The following KCNT2 variants were observed in gnomAD, a reference collection of about 807,000 sequenced individuals.
KCNT2 encodes the protein potassium channel subfamily T member 2.
In KCNT2, 67 loss-of-function variants were observed where a neutral mutation model predicts 153.8. That is an observed-to-expected ratio of 0.44 (90% confidence interval 0.36 to 0.53). The LOEUF (loss-of-function observed/expected upper bound fraction) is 0.53, where lower values mean the gene tolerates loss of function less well. KCNT2 is among the 20% of genes least tolerant of loss of function. The pLI, the probability that KCNT2 is intolerant of heterozygous loss-of-function variation, is 0.00. For synonymous variants in KCNT2, 500 were observed against 458.8 expected (o/e 1.09, Z -1.15); for missense variants, 975 against 1,354.8 (o/e 0.72, Z 4.40).
intron 25 of KCNT2, among the ~76,000 whole-genome samples, chr1:196,272,024 T>C (rs1256942262): frequency 1.3e-5 from 2 of 151,938 alleles, no homozygotes; most frequent in Non-Finnish European, 2.9e-5. Context: ...GCCTTTCTTC[T>C]ACCTTGTGAA....
chr1:196,552,725 G>A (rs1658080145), intron 1 of KCNT2, among the ~76,000 whole-genome samples: 1 of 151,336 alleles, frequency 6.6e-6, no homozygotes, highest in African/African-American at 2.4e-5. Context: ...TGAAGACATA[G>A]TACAATAAGA....
intron 26 of KCNT2, among the ~76,000 whole-genome samples, chr1:196,238,170 C>T (rs2102244356): frequency 6.6e-6 from 1 of 151,948 alleles, no homozygotes; most frequent in South Asian, 2.1e-4. Context: ...ATATCAACAC[C>T]TAGCCTTTAT....
At chr1:196,328,740 A>T (rs371412240) in intron 18 of KCNT2, among the ~76,000 whole-genome samples, 4 of 152,142 alleles carry the variant, frequency 2.6e-5, no homozygotes, top group East Asian at 3.9e-4. Flanking sequence ...AATTAAAAGG[A>T]TTCTCCACCA....
intron 14 of KCNT2, among the ~76,000 whole-genome samples, chr1:196,355,984 T>G (rs1667143490): frequency 6.6e-6 from 1 of 151,822 alleles, no homozygotes; most frequent in Non-Finnish European, 1.5e-5. Flanking sequence ...TTGCTATATC[T>G]GTACCTTTAG....
intron 26 of KCNT2, among the ~76,000 whole-genome samples, chr1:196,247,041 A>G (rs1558062800): frequency 6.6e-6 from 1 of 152,174 alleles, no homozygotes; most frequent in Non-Finnish European, 1.5e-5. Flanking sequence ...CCTACAAGAA[A>G]CACACTTCCC....
intron 25 of KCNT2, among the ~76,000 whole-genome samples, chr1:196,279,454 G>T (rs1002170075): frequency 5.3e-5 from 8 of 151,462 alleles, no homozygotes; most frequent in Non-Finnish European, 1.2e-4. Context: ...ACAGAGTCTC[G>T]CTCTGTCACC....
intron 1 of KCNT2, among the ~76,000 whole-genome samples, chr1:196,607,540 T>C (rs541134468): frequency 1.3e-5 from 2 of 152,316 alleles, no homozygotes; most frequent in African/African-American, 2.4e-5. Context: ...TAAAAAAATA[T>C]ACTAGTTATG....
intron 8 of KCNT2, among the ~76,000 whole-genome samples, chr1:196,461,452 A>G (rs1477698151): frequency 6.6e-6 from 1 of 151,812 alleles, no homozygotes; most frequent in Non-Finnish European, 1.5e-5. Context: ...AAACCCATGA[A>G]ATAATATGAA....
At chr1:196,360,954 G>T (rs575460364) in intron 14 of KCNT2, among the ~76,000 whole-genome samples, 3 of 152,138 alleles carry the variant, frequency 2.0e-5, no homozygotes, top group Admixed American at 2.0e-4. Context: ...CCATTATGTA[G>T]TATCCTGATG....
At chr1:196,271,091 A>G (rs1432507104) in intron 25 of KCNT2, among the ~76,000 whole-genome samples, 1 of 151,960 alleles carries the variant, frequency 6.6e-6, no homozygotes, top group East Asian at 1.9e-4. Flanking sequence ...CCTTTGCAGC[A>G]TCTGAGAACC....
intron 1 of KCNT2, among the ~76,000 whole-genome samples, chr1:196,549,061 G>A (rs991282224): frequency 1.4e-4 from 21 of 152,034 alleles, no homozygotes; most frequent in Admixed American, 3.9e-4. Context: ...GCTAGATGAC[G>A]AGTTAGTGGG....
At chr1:196,251,663 T>C (rs1319237828) in intron 26 of KCNT2, among the ~76,000 whole-genome samples, 2 of 151,858 alleles carry the variant, frequency 1.3e-5, no homozygotes, top group African/African-American at 4.8e-5. Context: ...TATAATTAGA[T>C]AGAATAAGAC....
chr1:196,277,967 C>T (rs1293913101), intron 25 of KCNT2, among the ~76,000 whole-genome samples: 1 of 151,938 alleles, frequency 6.6e-6, no homozygotes, highest in African/African-American at 2.4e-5. Context: ...GAGATATGCA[C>T]TTTAATGGTA....
At chr1:196,327,522 A>G (rs1353102934) in intron 18 of KCNT2, among the ~76,000 whole-genome samples, 1 of 152,074 alleles carries the variant, frequency 6.6e-6, no homozygotes, top group African/African-American at 2.4e-5. Context: ...TTAACCCAAT[A>G]TTATTTTCAG....
intron 1 of KCNT2, among the ~76,000 whole-genome samples, chr1:196,531,938 G>A (rs1466827585): frequency 1.3e-5 from 2 of 151,980 alleles, no homozygotes; most frequent in African/African-American, 4.8e-5. Context: ...AGGTTTATCT[G>A]TGAGTCAGCT....
intron 7 of KCNT2, among the ~76,000 whole-genome samples, chr1:196,466,522 CT>C (rs1011602701): frequency 2.0e-5 from 3 of 151,968 alleles, no homozygotes; most frequent in African/African-American, 7.2e-5. Flanking sequence ...TGGAAAATAA[CT>C]TTGCCTCCAA....
At chr1:196,235,959 C>A in intron 27 of KCNT2, 27 bp downstream of exon 27, 1 of 1,366,434 alleles carries the variant, frequency 7.3e-7, no homozygotes, top group Admixed American at 1.7e-5. Flanking sequence ...AAATATCTGT[C>A]TTATATGAGA....
intron 25 of KCNT2, among the ~76,000 whole-genome samples, chr1:196,272,019 T>C (rs1456074049): frequency 6.6e-6 from 1 of 151,944 alleles, no homozygotes; most frequent in African/African-American, 2.4e-5. Context: ...TCTCTGCCTT[T>C]CTTCTACCTT....
chr1:196,344,075 T>C (rs1572109415), intron 14 of KCNT2, among the ~76,000 whole-genome samples: 1 of 152,146 alleles, frequency 6.6e-6, no homozygotes, highest in Admixed American at 6.6e-5. Context: ...CCACCGCCCC[T>C]GGCCAAACTC....
Sources: allele counts gnomAD v4.1 joint callset (sites outside exome capture counted in the v4.1 genomes callset), GRCh38; gene constraint gnomAD v4.1.1; transcripts MANE v1.5; gene names NCBI Gene and HGNC (gene_info 2026-07-23, HGNC 2026-07-21).